The following LTF variants were observed in gnomAD, a reference collection of about 807,000 sequenced individuals.
LTF encodes the protein lactotransferrin.
LTF carries 91 observed loss-of-function variants against 87.2 expected under a neutral mutation model. The observed-to-expected ratio is 1.04, with a 90% confidence interval of 0.88 to 1.24. The LOEUF (loss-of-function observed/expected upper bound fraction) is 1.24. Ranked by LOEUF, LTF falls within the 50% of genes most tolerant of loss-of-function variation. LTF has a pLI of 0.00. For missense variants in LTF, 901 were observed against 904.3 expected (o/e 1.00, Z 0.05); for synonymous variants, 378 against 356.1 (o/e 1.06, Z -0.69).
chr3:46,470,427 C>A, exon 2 of LTF: 1 of 152,506 alleles, frequency 6.6e-6, no homozygotes. Flanking sequence ...GCTCCACAGG[C>A]TTCACTGTGC....
At chr3:46,455,154 T>C (rs58330875) in intron 5 of LTF, 141 bp downstream of exon 5, 1 of 1,019,856 alleles carries the variant, frequency 9.8e-7, no homozygotes, top group Non-Finnish European at 1.5e-6. Context: ...TGCACTCTCT[T>C]TGGACACACA....
In LTF at chr3:46,464,844, C is replaced by T. The variant is rs759018162; in HGVS notation, c.24G>A (p.Leu8=). 6.2e-7 allele frequency: 1 copy of T among 1,613,836 alleles called. No individual in the cohort carries two copies. The highest frequency in any genetic ancestry group is 1.3e-5 in the African/African-American group (1 of 74,922). The part of the protein sequence containing the change: MKLVFLV[L]LFLGALGLCL... ...ACTCACCGAGGGCCCCGAGGAACAG[C>T]AGGACGAGGAAGACAAGTTTCATGT... The change falls in exon 1 of 17, where the codon CTG becomes CTA. Residue 8 remains leucine (L), a synonymous_variant. Transcript: ENST00000231751.
chr3:46,460,380 G>A (rs551882433), intron 1 of LTF, among the ~76,000 whole-genome samples: 2 of 152,356 alleles, frequency 1.3e-5, no homozygotes, highest in African/African-American at 4.8e-5. Context: ...TAAATGGTAA[G>A]TCAGTGTCAA....
rs868018221 is a variant in LTF, at chr3:46,455,356, C to T, written c.586G>A (p.Gly196Arg). The T allele has an allele frequency of 6.2e-7, 1 of 1,614,240 alleles. No individual in the cohort carries two copies. The highest frequency in any genetic ancestry group is 2.2e-5 in the East Asian group (1 of 44,882). Residue 196 changes from glycine (G) to arginine (R), a missense_variant, in exon 5 of 17, where the codon GGG becomes AGG. By Grantham distance (125) the Gly-to-Arg change is moderately radical. Transcript: ENST00000231751. ...GAGGAGAAGGCACATTTGTTTTCCC[C>T]TGTCCCCGCACACAGGCGACACAGG... ...PNLCRLCAGTGENKCAFSSQE... is the reference protein window; with the variant it reads ...PNLCRLCAGTRENKCAFSSQE...
At chr3:46,465,463 C>T (rs944833452), upstream of LTF, among the ~76,000 whole-genome samples, 1 of 152,224 alleles carries the variant, frequency 6.6e-6, no homozygotes, top group Non-Finnish European at 1.5e-5. Context: ...GGGTATCTCC[C>T]TGCCCTGCTG....
intron 1 of LTF, among the ~76,000 whole-genome samples, chr3:46,482,590 A>C (rs1703451737): frequency 7.3e-6 from 1 of 136,518 alleles, no homozygotes. Flanking sequence ...GAAGGGAGAA[A>C]GAGAGAGAAA....
At chr3:46,465,103 G>A, upstream of LTF, 1 of 571,576 alleles carries the variant, frequency 1.7e-6, no homozygotes. Flanking sequence ...CACCTGTCCT[G>A]GTTCTGCCTG....
chr3:46,436,351 A>C, intron 16 of LTF, 122 bp from the exon 17 acceptor site: 1 of 870,178 alleles, frequency 1.1e-6, no homozygotes, highest in South Asian at 1.4e-5. Flanking sequence ...TCACTGAGTC[A>C]GTGCTTGCCA....
At chr3:46,450,698 G>T in intron 6 of LTF, 25 bp from the exon 7 acceptor site, 1 of 1,597,002 alleles carries the variant, frequency 6.3e-7, no homozygotes. Context: ...AGGTGGGAGG[G>T]AGTCTAGATA....
chr3:46,447,593 G>C (rs1702687351), intron 9 of LTF, among the ~76,000 whole-genome samples, 195 bp from the exon 10 acceptor site: 1 of 152,194 alleles, frequency 6.6e-6, no homozygotes, highest in Non-Finnish European at 1.5e-5. Context: ...CCTACTTTCT[G>C]GGCTGTCAAT....
chr3:46,476,002 C>T (rs561463248), intron 1 of LTF, among the ~76,000 whole-genome samples: 5 of 152,228 alleles, frequency 3.3e-5, no homozygotes, highest in South Asian at 2.1e-4. Flanking sequence ...TGAGATCATC[C>T]TTTAATTCAT....
At chr3:46,441,341 C>A in intron 14 of LTF, 75 bp downstream of exon 14, 1 of 1,222,828 alleles carries the variant, frequency 8.2e-7, no homozygotes, top group Admixed American at 2.4e-5. Flanking sequence ...TTCCCAAAGG[C>A]AAATCTGAAC....
chr3:46,438,464 A>G (rs1283726950), intron 15 of LTF, among the ~76,000 whole-genome samples: 1 of 152,226 alleles, frequency 6.6e-6, no homozygotes, highest in East Asian at 1.9e-4. Context: ...ATCTGCCCTC[A>G]CAAGTCAATT....
upstream of LTF, chr3:46,465,172 C>A: frequency 2.1e-6 from 1 of 466,020 alleles, no homozygotes; most frequent in Non-Finnish European, 3.8e-6. Context: ...TCGCAGCCCC[C>A]TGAGCCCTGT....
chr3:46,469,633 G>A (rs1703258790), upstream of LTF: 1 of 152,900 alleles, frequency 6.5e-6, no homozygotes, highest in African/African-American at 2.4e-5. Context: ...GAAGGAGAAA[G>A]AGATGGATGG....
chr3:46,463,482 C>T, intron 1 of LTF: 2 of 985,740 alleles, frequency 2.0e-6, no homozygotes, highest in Non-Finnish European at 2.4e-6. Flanking sequence ...GGGAGCAGGG[C>T]AGGAATTCCA....
upstream of LTF, among the ~76,000 whole-genome samples, chr3:46,468,635 A>G (rs1230403480): frequency 1.3e-5 from 2 of 152,182 alleles, no homozygotes; most frequent in Non-Finnish European, 2.9e-5. Flanking sequence ...AAACCCCAAG[A>G]AGAGTGTTGG....
At chr3:46,454,129 G>A (rs1702866552) in intron 6 of LTF, 176 bp downstream of exon 6, 1 of 655,764 alleles carries the variant, frequency 1.5e-6, no homozygotes, top group Admixed American at 2.6e-5. Context: ...GGCACAGGAG[G>A]TTTGAAGAAA....
Position 46,445,189 on chromosome 3 carries a change from C to T in LTF, c.1513+92G>A. 5 of 1,329,430 alleles carry T rather than the reference C, an allele frequency of 3.8e-6. 1 individual carries two copies. In the South Asian group the frequency reaches 7.3e-5, roughly 19 times the overall value. 82.4% of individuals were successfully genotyped at this position (1,329,430 alleles called of 1,614,324 possible). A position where few individuals can be genotyped will look rare whatever the true frequency, so the allele number is the denominator to read the frequency against. ...AGGCCTGCAGGCCACTATCAGCCTG[C>T]AAATCCCCTCCCCTCCCTTCCCTAA... On this transcript the variant is annotated intron_variant, in intron 12 of 16. Transcript: ENST00000231751.
Sources: allele counts gnomAD v4.1 joint callset (sites outside exome capture counted in the v4.1 genomes callset), GRCh38; gene constraint gnomAD v4.1.1; transcripts MANE v1.5; gene names NCBI Gene and HGNC (gene_info 2026-07-23, HGNC 2026-07-21).